PCSK7: variants seen among roughly 807,000 people sequenced by gnomAD.
The protein encoded by PCSK7 is lymphoma proprotein convertase.
Under a neutral mutation model 73.3 loss-of-function variants are expected in PCSK7, and 38 were observed. The ratio of observed to expected loss-of-function variants is 0.52; its 90% confidence interval spans 0.40 to 0.68. The LOEUF (loss-of-function observed/expected upper bound fraction) is 0.68, where lower values mean the gene tolerates loss of function less well. Ranked by LOEUF, PCSK7 falls within the 30% of genes least tolerant of loss-of-function variation. PCSK7 has a pLI of 0.00. For missense variants in PCSK7, 692 were observed against 991.5 expected (o/e 0.70, Z 4.06); for synonymous variants, 296 against 383.8 (o/e 0.77, Z 2.68).
At position 117,205,746 on chromosome 11, in the gene PCSK7, G is replaced by A. The variant is rs1055481540; in HGVS notation, c.*251C>T. On this transcript the variant is annotated 3_prime_UTR_variant, in exon 17 of 17. Coordinates refer to ENST00000320934, the MANE Select transcript of PCSK7 (RefSeq NM_004716.4). ...GATGAGGATGGAGGCCAAACCAAAG[G>A]GGGGCGCCAATCCCCTGTCCAACAC... 9 of 394,260 alleles carry A rather than the reference G, an allele frequency of 2.3e-5. No homozygotes were observed. Among genetic ancestry groups the A allele is most frequent in the East Asian group, 1.2e-4 (3 of 25,972 alleles). 24.4% of individuals were successfully genotyped at this position (394,260 alleles called of 1,614,324 possible).
intron 6 of PCSK7, chr11:117,225,383 G>C (rs2032383044): frequency 6.3e-6 from 1 of 158,462 alleles, no homozygotes; most frequent in Non-Finnish European, 1.4e-5. Flanking sequence ...GTAGAAGGCA[G>C]AGCGCCCATG....
chr11:117,223,129 A>G (rs1451713071), intron 9 of PCSK7, 79 bp downstream of exon 9: 1 of 864,086 alleles, frequency 1.2e-6, no homozygotes, highest in African/African-American at 1.6e-5. Context: ...AGCAGGGAAC[A>G]GTGAGAAGCG....
chr11:117,227,027 C>T (rs2032456801), intron 5 of PCSK7, 130 bp downstream of exon 5: 5 of 684,412 alleles, frequency 7.3e-6, no homozygotes, highest in Non-Finnish European at 1.2e-5. Context: ...TATAAACTCA[C>T]CCTTGCTCTA....
Position 117,218,670 on chromosome 11 carries a change from A to T in PCSK7, c.1432-102T>A. 1 of 665,570 alleles carries T rather than the reference A, an allele frequency of 1.5e-6. No individual in the cohort carries two copies. 41.2% of individuals were successfully genotyped at this position (665,570 alleles called of 1,614,324 possible). ...CTTGTCAATACGATCTTGAAGGTTT[A>T]GCTGTCTTTATTTTTCCACTCCTCA... On this transcript the variant is annotated intron_variant, in intron 11 of 16. Coordinates refer to ENST00000320934, the MANE Select transcript of PCSK7 (RefSeq NM_004716.4). This position sits in a 1 kb window ranked among gnomAD's most constrained non-coding sequence, Gnocchi z 4.0.
intron 5 of PCSK7, chr11:117,226,418 G>T: frequency 4.3e-6 from 1 of 230,794 alleles, no homozygotes; most frequent in Non-Finnish European, 8.8e-6. Flanking sequence ...TTACAGGTGT[G>T]ATCCCCATAG....
Position 117,229,406 on chromosome 11 carries a change from C to T in PCSK7, c.439G>A (p.Asp147Asn), listed in dbSNP as rs952215021. 1.9e-6 allele frequency: 3 copies of T among 1,608,058 alleles called. No homozygotes were observed. Among genetic ancestry groups the T allele is most frequent in the Non-Finnish European group, 2.5e-6 (3 of 1,179,898 alleles). The change falls in exon 3 of 17, where the codon GAC becomes AAC. Residue 147 changes from aspartate to asparagine, a missense_variant. Around this residue, in one of 6 missense-constraint regions of PCSK7, gnomAD observed 574 missense variants for 689.8 expected, o/e 0.83. Transcript: ENST00000320934. ...RRAKRSVHFN[D>N]PKYPQQWHLN... ...TGCCATTGCTGCGGGTACTTGGGGT[C>T]GTTGAAGTGGACGCTGCGCTTGGCC...
In PCSK7 at chr11:117,204,535, C is replaced by T; in HGVS notation, c.*1462G>A. ...CAGCTCCTCCCTGTGCCCCCAGCCTCAGCCCAACTTCTTACCCGAAAGCAT... is the reference window on the plus strand; with the variant it reads ...CAGCTCCTCCCTGTGCCCCCAGCCTTAGCCCAACTTCTTACCCGAAAGCAT... On this transcript the variant is annotated 3_prime_UTR_variant, in exon 17 of 17. Coordinates refer to ENST00000320934, the MANE Select transcript of PCSK7 (RefSeq NM_004716.4). 1.0e-6 allele frequency: 1 copy of T among 968,088 alleles called. No individual in the cohort carries two copies. The highest frequency in any genetic ancestry group is 2.6e-5 in the East Asian group (1 of 38,070). The allele number at this position is 968,088 out of a possible 1,614,324, so 60.0% of individuals were successfully genotyped here. A position where few individuals can be genotyped will look rare whatever the true frequency, so the allele number is the denominator to read the frequency against.
chr11:117,231,618 T>G (rs1028006823), intron 1 of PCSK7, among the ~76,000 whole-genome samples: 1 of 152,158 alleles, frequency 6.6e-6, no homozygotes, highest in Non-Finnish European at 1.5e-5. Context: ...GAAAGGAACC[T>G]TAAATGCCTT....
At chr11:117,208,876 G>A (rs1490494884) in intron 13 of PCSK7, 21 bp downstream of exon 13, 4 of 1,603,954 alleles carry the variant, frequency 2.5e-6, no homozygotes, top group Admixed American at 1.7e-5. Context: ...GGTTGCTCAG[G>A]CCTCGGGCGG....
At chr11:117,215,402 A>ACTT (rs1479906001) in intron 12 of PCSK7, 9 of 69,850 alleles carry the variant, frequency 1.3e-4, no homozygotes, top group African/African-American at 1.0e-3. Flanking sequence ...ATATATATAT[A>ACTT]TATACTTTTT....
rs552666882 is a variant in PCSK7, at chr11:117,229,443, C to G, written c.402G>C (p.Arg134Ser). The G allele has an allele frequency of 6.2e-7, 1 of 1,610,764 alleles. No homozygotes were observed. Among genetic ancestry groups the G allele is most frequent in the Admixed American group, 1.7e-5 (1 of 60,032 alleles). ...HEAVRWHSEQ[R>S]LLRRAKRSVH... ...CGCTGCGCTTGGCCCGCCTTAGCAG[C>G]CTCTGCTCTGAGTGCCAGCGCACAG... is the stretch of plus-strand genomic sequence containing the variant. Residue 134 changes from arginine (R) to serine (S), a missense_variant, in exon 3 of 17, where the codon AGG becomes AGC. Coordinates refer to ENST00000320934, the MANE Select transcript of PCSK7 (RefSeq NM_004716.4).
In PCSK7 at chr11:117,218,872, T is replaced by C; in HGVS notation, c.1431+185A>G. The C allele has an allele frequency of 1.7e-6, 1 of 589,578 alleles. No homozygotes were observed. Among genetic ancestry groups the C allele is most frequent in the South Asian group, 2.1e-5 (1 of 48,218 alleles). The allele number at this position is 589,578 out of a possible 1,614,324, so 36.5% of individuals were successfully genotyped here. On this transcript the variant is annotated intron_variant, in intron 11 of 16. Coordinates refer to ENST00000320934, the MANE Select transcript of PCSK7 (RefSeq NM_004716.4). The surrounding 1 kb of genome is among the most constrained non-coding windows in gnomAD (Gnocchi z 4.0). ...ATTAGTAGTTTGGAAACTTCAGTGA[T>C]AGCATTGAGCCTGCTTTCTCATTTG...
chr11:117,226,836 TGGGAGCTG>T (rs4018845), intron 5 of PCSK7: 8 of 227,958 alleles, frequency 3.5e-5, no homozygotes, highest in East Asian at 1.2e-4. Flanking sequence ...TCAGTGGGAC[TGGGAGCTG>T]GGGAGCTGGG....
At position 117,229,861 on chromosome 11, in the gene PCSK7, A is replaced by C; in HGVS notation, c.-12-5T>G. ...CTTCGGCATCAGAGCAGTGGACTGC[A>C]GACAAAGAAAAAGGATATGGAAGAG... On this transcript the variant is annotated splice_polypyrimidine_tract_variant and splice_region_variant and intron_variant, in intron 2 of 16. Transcript: ENST00000320934. The C allele has an allele frequency of 6.8e-7, 1 of 1,469,698 alleles. No homozygotes were observed. The highest frequency in any genetic ancestry group is 9.1e-7 in the Non-Finnish European group (1 of 1,095,492). The allele number at this position is 1,469,698 out of a possible 1,614,324, so 91.0% of individuals were successfully genotyped here.
intron 12 of PCSK7, chr11:117,213,950 C>CCT (rs2031843534): frequency 8.3e-6 from 1 of 120,768 alleles, no homozygotes; most frequent in African/African-American, 3.3e-5. Flanking sequence ...CTTTTCTTTT[C>CCT]TTTTTCTTTT....
intron 1 of PCSK7, chr11:117,231,311 T>G (rs1026334361): frequency 6.6e-6 from 1 of 152,162 alleles, no homozygotes; most frequent in Non-Finnish European, 1.5e-5. Flanking sequence ...CTAAAAATCT[T>G]CATACTACAT....
At chr11:117,229,262 A>C (rs1246333418) in intron 3 of PCSK7, 115 bp downstream of exon 3, 1 of 819,742 alleles carries the variant, frequency 1.2e-6, no homozygotes, top group African/African-American at 1.7e-5. Flanking sequence ...GAACCGGGAA[A>C]TGGTCCCTCA....
intron 12 of PCSK7, chr11:117,210,676 G>A (rs978344014): frequency 6.6e-6 from 1 of 152,176 alleles, no homozygotes; most frequent in African/African-American, 2.4e-5. Flanking sequence ...TCTTTTTAAA[G>A]CACCCTTTCT....
chr11:117,223,211 G>A lies in PCSK7; in HGVS notation c.1152C>T (p.Ser384=). 6.2e-7 allele frequency: 1 copy of A among 1,602,940 alleles called. No individual in the cohort carries two copies. The highest frequency in any genetic ancestry group is 8.5e-7 in the Non-Finnish European group (1 of 1,169,856). The change falls in exon 9 of 17, where the codon AGC becomes AGT. Residue 384 remains serine (S), a synonymous_variant. Coordinates refer to ENST00000320934, the MANE Select transcript of PCSK7 (RefSeq NM_004716.4). ...TFSGGDKMLR[S]IVTTDWDLQK... ...GGAGGGCCCGGGAGGCACTCACAAT[G>A]CTCCGAAGCATCTTGTCCCCACCAC... is the stretch of plus-strand genomic sequence containing the variant.
Sources: allele counts gnomAD v4.1 joint callset (sites outside exome capture counted in the v4.1 genomes callset), GRCh38; gene constraint gnomAD v4.1.1; regional missense constraint gnomAD v4.1.1; non-coding constraint Gnocchi (gnomAD v3.1); transcripts MANE v1.5; gene names NCBI Gene and HGNC (gene_info 2026-07-23, HGNC 2026-07-21).